The following ALK variants were observed in gnomAD, a reference collection of about 807,000 sequenced individuals.
ALK encodes the protein ALK tyrosine kinase receptor.
ALK carries 74 observed loss-of-function variants against 163.1 expected under a neutral mutation model. The ratio of observed to expected loss-of-function variants is 0.45; its 90% CI spans 0.38 to 0.55. The LOEUF (loss-of-function observed/expected upper bound fraction) is 0.55. ALK is among the 20% of genes least tolerant of loss of function. ALK has a pLI of 0.00. For synonymous variants in ALK, 960 were observed against 843.2 expected (o/e 1.14, Z -2.40); for missense variants, 2,063 against 2,105.3 (o/e 0.98, Z 0.39).
chr2:29,560,999 AAT>A (rs1409312929), intron 3 of ALK, among the ~76,000 whole-genome samples: 1 of 152,134 alleles, frequency 6.6e-6, no homozygotes, highest in East Asian at 1.9e-4. Context: ...ATTTTAGTCT[AAT>A]ATTATTCTCA....
chr2:29,541,951 G>T (rs1673424625), intron 3 of ALK, among the ~76,000 whole-genome samples: 1 of 152,104 alleles, frequency 6.6e-6, no homozygotes, highest in Admixed American at 6.5e-5. Context: ...CCCATAACCT[G>T]TCTTGCAACT....
At chr2:29,691,918 C>T (rs1173799659) in intron 3 of ALK, among the ~76,000 whole-genome samples, 2 of 152,166 alleles carry the variant, frequency 1.3e-5, no homozygotes, top group Non-Finnish European at 2.9e-5. Context: ...GTCTCTTGAT[C>T]TCACTGAACT....
At chr2:29,547,314 G>A (rs1354315557) in intron 3 of ALK, among the ~76,000 whole-genome samples, 4 of 152,078 alleles carry the variant, frequency 2.6e-5, no homozygotes, top group African/African-American at 9.7e-5. Context: ...CCATAATACG[G>A]GGCCAGGCGA....
At chr2:29,667,585 G>T (rs1041328616) in intron 3 of ALK, among the ~76,000 whole-genome samples, 1 of 151,672 alleles carries the variant, frequency 6.6e-6, no homozygotes. Flanking sequence ...CTAGGTGTAA[G>T]ATATGTTATT....
chr2:29,263,118 G>GATTT (rs1665128520), intron 11 of ALK, among the ~76,000 whole-genome samples: 1 of 152,232 alleles, frequency 6.6e-6, no homozygotes, highest in Non-Finnish European at 1.5e-5. Flanking sequence ...GCTTAAGTGG[G>GATTT]AAGTGGTTGG....
chr2:29,726,057 C>T (rs1392599381), intron 1 of ALK, among the ~76,000 whole-genome samples: 1 of 152,212 alleles, frequency 6.6e-6, no homozygotes, highest in African/African-American at 2.4e-5. Context: ...GGTGGACTCA[C>T]ACTGGCTTTT....
intron 3 of ALK, among the ~76,000 whole-genome samples, chr2:29,644,520 T>C (rs192967514): frequency 2.6e-5 from 4 of 152,306 alleles, no homozygotes; most frequent in Admixed American, 6.5e-5. Context: ...CATGTCTGTG[T>C]GTCTTTGCAA....
At chr2:29,560,403 T>C (rs1028151611) in intron 3 of ALK, among the ~76,000 whole-genome samples, 1 of 152,166 alleles carries the variant, frequency 6.6e-6, no homozygotes, top group Admixed American at 6.6e-5. Flanking sequence ...AAGAAATAGA[T>C]TAAGGGTTGC....
intron 1 of ALK, among the ~76,000 whole-genome samples, chr2:29,801,307 T>C (rs1282228218): frequency 6.6e-6 from 1 of 152,044 alleles, no homozygotes; most frequent in Non-Finnish European, 1.5e-5. Flanking sequence ...GAAAAACACA[T>C]AGAATTTTTA....
At chr2:29,627,944 G>A (rs1405639805) in intron 3 of ALK, among the ~76,000 whole-genome samples, 4 of 152,126 alleles carry the variant, frequency 2.6e-5, no homozygotes, top group Admixed American at 6.5e-5. Flanking sequence ...AGGAAGCTTC[G>A]GAGCATCAAA....
chr2:29,783,168 T>C (rs1027366711), intron 1 of ALK, among the ~76,000 whole-genome samples: 6 of 152,234 alleles, frequency 3.9e-5, no homozygotes, highest in African/African-American at 1.2e-4. Flanking sequence ...TTTTCTCTCA[T>C]CTACATCATA....
In ALK at chr2:29,252,440, C is replaced by T. The variant is rs56033867; in HGVS notation, c.2042-1173G>A. ...TTGGGCATGCATAATTTTGCTAAGA[C>T]ATTAAAGTGAAAACATTTTGAAGAC... is the stretch of plus-strand genomic sequence containing the variant. On this transcript the variant is annotated intron_variant, in intron 11 of 28. Coordinates refer to ENST00000389048, the MANE Select transcript of ALK (RefSeq NM_004304.5). Among the ~76,000 whole-genome samples, 705 of 152,268 alleles carry T rather than the reference C, an allele frequency of 4.6e-3. 8 individuals carry two copies. Among genetic ancestry groups the T allele is most frequent in the African/African-American group, 0.016 (652 of 41,546 alleles).
chr2:29,809,123 T>A (rs1664690326), intron 1 of ALK, among the ~76,000 whole-genome samples: 1 of 152,194 alleles, frequency 6.6e-6, no homozygotes, highest in Non-Finnish European at 1.5e-5. Context: ...TCGGAGAGCA[T>A]ATGAGTTTTA....
In ALK at chr2:29,326,798, C is replaced by G. The variant is rs76931861; in HGVS notation, c.1414+1552G>C. ...AATAAATGAAACCTTCTCCACCCCC[C>G]ACAAAGGGTCCAGATGACTGGGGGC... On this transcript the variant is annotated intron_variant, in intron 6 of 28. Coordinates refer to ENST00000389048, the MANE Select transcript of ALK (RefSeq NM_004304.5). Among the ~76,000 whole-genome samples, 100 of 152,330 alleles carry G rather than the reference C, an allele frequency of 6.6e-4. 1 individual carries two copies. The East Asian group carries it at 6.8e-3, about 10-fold the overall frequency.
intron 23 of ALK, among the ~76,000 whole-genome samples, chr2:29,217,801 C>T (rs1159398654): frequency 6.6e-6 from 1 of 152,108 alleles, no homozygotes; most frequent in Non-Finnish European, 1.5e-5. Context: ...TTCCAACAAG[C>T]GAATCAGGTG....
At chr2:29,620,665 G>A (rs1481604186) in intron 3 of ALK, among the ~76,000 whole-genome samples, 1 of 152,050 alleles carries the variant, frequency 6.6e-6, no homozygotes, top group Non-Finnish European at 1.5e-5. Context: ...CACCTCCTCA[G>A]TTTGAGGGTA....
At chr2:29,718,030 C>T (rs1261582433) in intron 1 of ALK, among the ~76,000 whole-genome samples, 1 of 152,200 alleles carries the variant, frequency 6.6e-6, no homozygotes, top group East Asian at 1.9e-4. Context: ...ATTTGTGCAG[C>T]TTTATAGAGA....
intron 1 of ALK, among the ~76,000 whole-genome samples, chr2:29,879,600 T>C (rs1666804888): frequency 1.3e-5 from 2 of 152,220 alleles, no homozygotes; most frequent in Admixed American, 1.3e-4. Flanking sequence ...AAGTAGGGTC[T>C]GAAGGACTCA....
chr2:29,735,792 G>C (rs753189435), intron 1 of ALK, among the ~76,000 whole-genome samples: 2 of 151,932 alleles, frequency 1.3e-5, no homozygotes, highest in African/African-American at 2.4e-5. Flanking sequence ...TGTGAATAAG[G>C]ACATATTTGC....
Sources: gnomAD v4.1 joint callset for allele counts (sites outside exome capture counted in the v4.1 genomes callset) on GRCh38, gnomAD v4.1.1 for gene constraint, MANE v1.5 for transcripts, NCBI Gene and HGNC (gene_info 2026-07-23, HGNC 2026-07-21) for gene names.